The following MARCHF4 variants were observed in gnomAD, a reference collection of about 807,000 sequenced individuals.
MARCHF4 encodes E3 ubiquitin-protein ligase MARCHF4.
MARCHF4 carries 14 observed loss-of-function variants against 43.9 expected under a neutral mutation model. The ratio of observed to expected loss-of-function variants is 0.32; its 90% CI spans 0.21 to 0.50. The LOEUF (loss-of-function observed/expected upper bound fraction) is 0.50, where lower values mean the gene tolerates loss of function less well. MARCHF4 is among the 20% of genes least tolerant of loss of function. The pLI, the probability that MARCHF4 is intolerant of heterozygous loss-of-function variation, is 0.98. For missense variants in MARCHF4, 468 were observed against 536.7 expected (o/e 0.87, Z 1.27); for synonymous variants, 226 against 213.3 (o/e 1.06, Z -0.52).
intron 1 of MARCHF4, among the ~76,000 whole-genome samples, chr2:216,354,163 A>T (rs1462329163): frequency 6.6e-6 from 1 of 152,184 alleles, no homozygotes; most frequent in Non-Finnish European, 1.5e-5. Context: ...GAGTAAGCAC[A>T]TCTCTCCCAT....
intron 3 of MARCHF4, among the ~76,000 whole-genome samples, chr2:216,276,263 G>A (rs1207386668): frequency 6.6e-6 from 1 of 152,176 alleles, no homozygotes; most frequent in Non-Finnish European, 1.5e-5. Flanking sequence ...CCTCCATATG[G>A]AGACACACCT....
At chr2:216,288,797 C>G (rs1305808385) in intron 1 of MARCHF4, among the ~76,000 whole-genome samples, 1 of 151,960 alleles carries the variant, frequency 6.6e-6, no homozygotes, top group African/African-American at 2.4e-5. Flanking sequence ...TATGCCTCCC[C>G]AAAATACGAA....
intron 1 of MARCHF4, among the ~76,000 whole-genome samples, chr2:216,310,341 A>G (rs958496046): frequency 6.6e-6 from 1 of 152,088 alleles, no homozygotes; most frequent in Non-Finnish European, 1.5e-5. Flanking sequence ...AGCTCACCGC[A>G]GCCTCAACCT....
intron 1 of MARCHF4, among the ~76,000 whole-genome samples, chr2:216,293,204 C>A (rs778938830): frequency 2.0e-5 from 3 of 152,160 alleles, no homozygotes; most frequent in African/African-American, 7.2e-5. Flanking sequence ...CTGCACCACC[C>A]GTCCATGGCA....
chr2:216,305,260 C>T (rs566473553), intron 1 of MARCHF4, among the ~76,000 whole-genome samples: 6 of 152,164 alleles, frequency 3.9e-5, no homozygotes, highest in African/African-American at 7.2e-5. Context: ...TTGGTGAGTC[C>T]GGTATGCATG....
intron 1 of MARCHF4, among the ~76,000 whole-genome samples, chr2:216,328,511 A>G (rs1574479050): frequency 6.6e-6 from 1 of 152,278 alleles, no homozygotes; most frequent in African/African-American, 2.4e-5. Flanking sequence ...TTATGGTTCT[A>G]TTTCACTGTG....
In MARCHF4 at chr2:216,311,925, T is replaced by C. The variant is rs1191952482; in HGVS notation, c.517-28196A>G. 2.0e-5 allele frequency among the ~76,000 whole-genome samples: 3 copies of C among 152,356 alleles called. No individual in the cohort carries two copies. The East Asian group carries it at 5.8e-4, about 29-fold the overall frequency. ...TATCCAATTGCTGTTTTAAGTTGTA[T>C]ACATTGATTATAAGGTTGATTTGTT... On this transcript the variant is annotated intron_variant, in intron 1 of 3. Transcript: ENST00000273067.
chr2:216,349,676 A>C (rs1301458180), intron 1 of MARCHF4, among the ~76,000 whole-genome samples: 10 of 152,096 alleles, frequency 6.6e-5, no homozygotes, highest in Admixed American at 6.5e-4. Context: ...AATGCCTTTG[A>C]ATGGAAATGA....
At chr2:216,301,033 T>G (rs1343471738) in intron 1 of MARCHF4, among the ~76,000 whole-genome samples, 1 of 152,208 alleles carries the variant, frequency 6.6e-6, no homozygotes, top group African/African-American at 2.4e-5. Context: ...CCTTAGCTAA[T>G]CAGGCTCCAG....
At chr2:216,327,965 A>G (rs1033706458) in intron 1 of MARCHF4, among the ~76,000 whole-genome samples, 5 of 151,796 alleles carry the variant, frequency 3.3e-5, no homozygotes, top group African/African-American at 1.2e-4. Context: ...TGCAAAAAAA[A>G]AAAAAGAAAA....
intron 3 of MARCHF4, among the ~76,000 whole-genome samples, chr2:216,271,041 G>A (rs1044493937): frequency 6.6e-6 from 1 of 152,144 alleles, no homozygotes; most frequent in African/African-American, 2.4e-5. Context: ...ATTTGAACTA[G>A]AGTTCAATTT....
intron 3 of MARCHF4, among the ~76,000 whole-genome samples, chr2:216,271,546 A>C (rs2105934901): frequency 6.6e-6 from 1 of 152,248 alleles, no homozygotes; most frequent in Non-Finnish European, 1.5e-5. Context: ...CTTTTTGTGA[A>C]TGTTCTCTAG....
intron 1 of MARCHF4, among the ~76,000 whole-genome samples, chr2:216,338,487 T>C (rs1692190739): frequency 6.6e-6 from 1 of 152,154 alleles, no homozygotes; most frequent in African/African-American, 2.4e-5. Flanking sequence ...CCATAAACCT[T>C]GACAGCCCTT....
At chr2:216,364,392 C>T (rs1433456614) in intron 1 of MARCHF4, among the ~76,000 whole-genome samples, 1 of 152,108 alleles carries the variant, frequency 6.6e-6, no homozygotes, top group Non-Finnish European at 1.5e-5. Flanking sequence ...ATCTTATAGT[C>T]CCTTTGCAGT....
At chr2:216,361,383 A>C (rs1692576613) in intron 1 of MARCHF4, among the ~76,000 whole-genome samples, 1 of 152,212 alleles carries the variant, frequency 6.6e-6, no homozygotes, top group Non-Finnish European at 1.5e-5. Flanking sequence ...TTTCAGAAAC[A>C]CTCGTCCAAG....
chr2:216,289,627 G>C (rs1209578682), intron 1 of MARCHF4, among the ~76,000 whole-genome samples: 2 of 152,304 alleles, frequency 1.3e-5, no homozygotes, highest in East Asian at 1.9e-4. Context: ...TGAAGGTCTT[G>C]CTTCTGGAGT....
intron 1 of MARCHF4, among the ~76,000 whole-genome samples, chr2:216,330,078 A>T (rs1168127584): frequency 6.6e-6 from 1 of 151,812 alleles, no homozygotes; most frequent in Non-Finnish European, 1.5e-5. Flanking sequence ...GGGCAACAGA[A>T]TGAGAATCTG....
intron 1 of MARCHF4, among the ~76,000 whole-genome samples, chr2:216,309,888 G>T (rs922289439): frequency 4.0e-5 from 6 of 151,872 alleles, no homozygotes; most frequent in African/African-American, 1.5e-4. Flanking sequence ...TCAACCAAAA[G>T]AGCTCTAACT....
chr2:216,299,358 C>A (rs941674040), intron 1 of MARCHF4, among the ~76,000 whole-genome samples: 1 of 152,118 alleles, frequency 6.6e-6, no homozygotes, highest in African/African-American at 2.4e-5. Context: ...TCTCATCAAG[C>A]GTCTCAGCAT....
Sources: allele counts gnomAD v4.1 joint callset (sites outside exome capture counted in the v4.1 genomes callset), GRCh38; gene constraint gnomAD v4.1.1; transcripts MANE v1.5; gene names NCBI Gene and HGNC (gene_info 2026-07-23, HGNC 2026-07-21).